CORO7: variants seen among roughly 807,000 people sequenced by gnomAD.
CORO7 encodes the protein coronin 7.
CORO7 carries 107 observed loss-of-function variants against 126.6 expected under a neutral mutation model. The ratio of observed to expected loss-of-function variants is 0.85; its 90% CI spans 0.72 to 0.99. CORO7 has a LOEUF of 0.99. Among genes scored for constraint, CORO7 ranks in the 50% least tolerant of loss-of-function variants. The pLI is 0.00. For missense variants in CORO7, 1,314 were observed against 1,255.8 expected (o/e 1.05, Z -0.70); for synonymous variants, 603 against 536.8 (o/e 1.12, Z -1.70).
intron 9 of CORO7, among the ~76,000 whole-genome samples, chr16:4,366,435 C>T (rs1487250310): frequency 6.6e-6 from 1 of 152,168 alleles, no homozygotes; most frequent in Admixed American, 6.5e-5. Context: ...GAGCTGCCTT[C>T]CCACTCCAGG....
chr16:4,362,130 C>T lies in CORO7; in HGVS notation c.1433G>A (p.Gly478Asp). ...GTGGCTGTCTCGGTGCAGGACAGTG[C>T]CCTGAGCATGGCGGAACTTGGAACT... ...GPSSKFRHAQ[G>D]TVLHRDSHIT... The change falls in exon 16 of 28, where the codon GGC (glycine) becomes GAC (aspartate). Residue 478 changes from glycine to aspartate, a missense_variant. Gly to Asp is a moderately conservative substitution (Grantham distance 94, BLOSUM62 -1). Transcript: ENST00000251166. This position sits in a 1 kb window ranked among gnomAD's most constrained non-coding sequence, Gnocchi z 5.3. 6.2e-7 allele frequency: 1 copy of T among 1,611,082 alleles called. No individual in the cohort carries two copies. Among genetic ancestry groups the T allele is most frequent in the Non-Finnish European group, 8.5e-7 (1 of 1,179,284 alleles).
chr16:4,361,433 G>A lies in CORO7; in HGVS notation c.1615C>T (p.Pro539Ser), dbSNP rs2054176476. 1.2e-6 allele frequency: 2 copies of A among 1,612,092 alleles called. No homozygotes were observed. The highest frequency in any genetic ancestry group is 8.5e-7 in the Non-Finnish European group (1 of 1,179,814). Residue 539 changes from proline to serine, a missense_variant, in exon 17 of 28, where the codon CCC becomes TCC. Pro to Ser is a moderately conservative substitution (Grantham distance 74). Coordinates refer to ENST00000251166, the MANE Select transcript of CORO7 (RefSeq NM_024535.5). ...KPGRLPDTALPTLQNGAAVTD... is the reference protein window; with the variant it reads ...KPGRLPDTALSTLQNGAAVTD... The stretch of plus-strand genomic sequence containing the variant: ...ACAGCTGCCCCATTCTGCAGCGTGG[G>A]CAGTGCCGTGTCGGGCAGGCGGCCA...
chr16:4,403,557 T>C (rs1442164927), intron 6 of CORO7, among the ~76,000 whole-genome samples: 1 of 152,036 alleles, frequency 6.6e-6, no homozygotes, highest in Non-Finnish European at 1.5e-5. Context: ...AAGCTCTGGG[T>C]TTAGCGGGGG....
At chr16:4,393,587 G>A (rs903775127) in intron 7 of CORO7, among the ~76,000 whole-genome samples, 2 of 152,194 alleles carry the variant, frequency 1.3e-5, no homozygotes, top group Admixed American at 6.5e-5. Flanking sequence ...TCTTGTGTGT[G>A]TAGGGGGCTC....
intron 14 of CORO7, 91 bp downstream of exon 14, chr16:4,364,185 C>CAA (rs878921261): frequency 2.7e-4 from 307 of 1,126,604 alleles, no homozygotes; most frequent in South Asian, 6.9e-4. Flanking sequence ...GACACTGTCT[C>CAA]AAAAAAAAAA....
rs1212657680 is a variant in CORO7 at position 4,357,178 on chromosome 16, T to C, written c.2675A>G (p.Lys892Arg). Residue 892 changes from lysine (K) to arginine (R), a missense_variant, in exon 26 of 28, where the codon AAG becomes AGG. By Grantham distance (26) the Lys-to-Arg change is conservative (BLOSUM62 2). Coordinates refer to ENST00000251166, the MANE Select transcript of CORO7 (RefSeq NM_024535.5). The stretch of plus-strand genomic sequence containing the variant: ...CTCTCCCATGCCTACCTCCTCCTTC[T>C]TTTGCTGGTCAGACTTTTCTTCCAG... ...QYLEEKSDQQ[K>R]KEELLNAMVA... 1 of 1,613,140 alleles carries C rather than the reference T, an allele frequency of 6.2e-7. No individual in the cohort carries two copies. The highest frequency in any genetic ancestry group is 8.5e-7 in the Non-Finnish European group (1 of 1,179,468).
Position 4,362,701 on chromosome 16 carries a change from G to A in CORO7, c.1313C>T (p.Pro438Leu). The A allele has an allele frequency of 6.8e-7, 1 of 1,461,038 alleles. No homozygotes were observed. The highest frequency in any genetic ancestry group is 1.5e-5 in the African/African-American group (1 of 68,362). The allele number at this position is 1,461,038 out of a possible 1,614,324, so 90.5% of individuals were successfully genotyped here. The change falls in exon 15 of 28, where the codon CCC becomes CTC. Residue 438 changes from proline (P) to leucine (L), a missense_variant. Transcript: ENST00000251166. This position sits in a 1 kb window ranked among gnomAD's most constrained non-coding sequence, Gnocchi z 5.3. ...GGGCCCCAGGCTGGAGGGCGTGGAG[G>A]GCGAGGTCAGCGAACTGGGAGGGGA... ...FSSPPSSLTS[P>L]STPSSLGPSL...
At chr16:4,367,386 C>T (rs1233977730) in intron 9 of CORO7, among the ~76,000 whole-genome samples, 5 of 152,232 alleles carry the variant, frequency 3.3e-5, no homozygotes, top group East Asian at 1.9e-4. Flanking sequence ...CTCATTCATT[C>T]GTTCACAATC....
In CORO7 at chr16:4,405,530, G is replaced by T; in HGVS notation, c.525C>A (p.Val175=). The T allele has an allele frequency of 1.9e-6, 3 of 1,613,004 alleles. No homozygotes were observed. Among genetic ancestry groups the T allele is most frequent in the Non-Finnish European group, 1.7e-6 (2 of 1,179,922 alleles). Residue 175 remains valine (V), a synonymous_variant, in exon 6 of 28, where the codon GTC becomes GTA. Transcript: ENST00000251166. ...AAHGDLVQSA[V]WSRDGALVGT... ...CCACCAGGGCTCCATCTCGGCTCCA[G>T]ACGGCGCTCTGCACCAGGTCCCCAT... is the stretch of plus-strand genomic sequence containing the variant.
chr16:4,413,483 A>G (rs2056291488), intron 1 of CORO7, 79 bp from the exon 2 acceptor site: 3 of 1,356,000 alleles, frequency 2.2e-6, no homozygotes, highest in Admixed American at 4.5e-5. Context: ...GAGGTGGGGC[A>G]TAATCTGGGG....
chr16:4,355,468 C>CA, intron 26 of CORO7, 96 bp from the exon 27 acceptor site: 9 of 1,075,772 alleles, frequency 8.4e-6, no homozygotes, highest in Non-Finnish European at 9.1e-6. Flanking sequence ...GTGAAAAGAA[C>CA]TTTTTTTTTT....
intron 9 of CORO7, chr16:4,382,606 C>G: frequency 6.3e-7 from 1 of 1,588,650 alleles, no homozygotes; most frequent in Non-Finnish European, 8.6e-7. Context: ...CCTGCCGCTC[C>G]TCATTGCGCC....
chr16:4,393,287 G>A (rs2055463254), intron 7 of CORO7, among the ~76,000 whole-genome samples: 1 of 152,188 alleles, frequency 6.6e-6, no homozygotes, highest in African/African-American at 2.4e-5. Flanking sequence ...CCGCTTTCTG[G>A]GCAAAGGCTT....
intron 9 of CORO7, among the ~76,000 whole-genome samples, chr16:4,386,023 T>TG (rs1399185421): frequency 6.6e-6 from 1 of 152,120 alleles, no homozygotes; most frequent in Admixed American, 6.5e-5. Flanking sequence ...AGGGAGTTAG[T>TG]GGGGGGCTCC....
At position 4,405,472 on chromosome 16, in the gene CORO7, T is replaced by TC. The variant is rs756261264; in HGVS notation, c.564+18dup. 9 of 1,609,364 alleles carry TC rather than the reference T, an allele frequency of 5.6e-6. No individual in the cohort carries two copies. The highest frequency in any genetic ancestry group is 6.8e-6 in the Non-Finnish European group (8 of 1,178,564). On this transcript the variant is annotated intron_variant, in intron 6 of 27. Transcript: ENST00000251166. ...GGCCTGCACAGAGCCCCACAGGGCA[T>TC]CCCCACCTGCCTGCTCACCTTGCAC...
chr16:4,402,974 G>C (rs2055867335), intron 6 of CORO7, among the ~76,000 whole-genome samples: 1 of 152,130 alleles, frequency 6.6e-6, no homozygotes, highest in Non-Finnish European at 1.5e-5. Flanking sequence ...GGCAGGACAG[G>C]AGTGGAAGCC....
In CORO7 at chr16:4,354,905, C is replaced by T. The variant is rs990531029; in HGVS notation, c.*253G>A. The T allele has an allele frequency of 2.7e-5, 12 of 439,994 alleles. No homozygotes were observed. The highest frequency in any genetic ancestry group is 4.4e-5 in the Non-Finnish European group (11 of 250,176). The allele number at this position is 439,994 out of a possible 1,614,324, so 27.3% of individuals were successfully genotyped here. On this transcript the variant is annotated 3_prime_UTR_variant, in exon 28 of 28. Coordinates refer to ENST00000251166, the MANE Select transcript of CORO7 (RefSeq NM_024535.5). ...GCCCAGGGACATGCTGCTGACCCCCCGCCACCCTGCACCCCTGGCCACATG... is the reference window on the plus strand; with the variant it reads ...GCCCAGGGACATGCTGCTGACCCCCTGCCACCCTGCACCCCTGGCCACATG...
At chr16:4,401,734 G>A (rs141070140) in intron 6 of CORO7, among the ~76,000 whole-genome samples, 3 of 152,030 alleles carry the variant, frequency 2.0e-5, no homozygotes, top group Admixed American at 6.6e-5. Flanking sequence ...GGACACGAGC[G>A]ACAGCAAGCG....
In CORO7 at chr16:4,362,102, G is replaced by A. The variant is rs776911564; in HGVS notation, c.1461C>T (p.Ile487=). 1.9e-6 allele frequency: 3 copies of A among 1,613,198 alleles called. No individual in the cohort carries two copies. The highest frequency in any genetic ancestry group is 1.7e-5 in the Admixed American group (1 of 60,008). ...TGAGGTTGAGCCCCTTGAGGTTGGTGATGTGGCTGTCTCGGTGCAGGACAG... is the reference window on the plus strand; with the variant it reads ...TGAGGTTGAGCCCCTTGAGGTTGGTAATGTGGCTGTCTCGGTGCAGGACAG... ...QGTVLHRDSH[I]TNLKGLNLTT... Residue 487 remains isoleucine, a synonymous_variant, in exon 16 of 28, where the codon ATC becomes ATT. Transcript: ENST00000251166. The surrounding 1 kb of genome is among the most constrained non-coding windows in gnomAD (Gnocchi z 5.3).
Sources: gnomAD v4.1 joint callset for allele counts (sites outside exome capture counted in the v4.1 genomes callset) on GRCh38, gnomAD v4.1.1 for gene constraint, Gnocchi (gnomAD v3.1) non-coding constraint, MANE v1.5 for transcripts, NCBI Gene and HGNC (gene_info 2026-07-23, HGNC 2026-07-21) for gene names.